GFRA1: variants seen among roughly 807,000 people sequenced by gnomAD.
GFRA1 encodes GDNF family receptor alpha-1.
A neutral mutation model predicts 51.6 loss-of-function variants in GFRA1; 16 were observed. The ratio of observed to expected loss-of-function variants is 0.31; its 90% CI spans 0.21 to 0.47. The LOEUF is 0.47. Among genes scored for constraint, GFRA1 ranks in the 20% least tolerant of loss-of-function variants. The pLI, the probability that GFRA1 is intolerant of heterozygous loss-of-function variation, is 1.00. For synonymous variants in GFRA1, 270 were observed against 241.3 expected, an observed-to-expected ratio of 1.12 and a Z score of -1.10; for missense variants, 530 against 594.3, an observed-to-expected ratio of 0.89 and a Z score of 1.13.
At chr10:116,184,783 G>A (rs1962547837) in intron 5 of GFRA1, among the ~76,000 whole-genome samples, 1 of 152,150 alleles carries the variant, frequency 6.6e-6, no homozygotes, top group East Asian at 1.9e-4. Flanking sequence ...AGGTCACATT[G>A]GTCACCGGTG....
At chr10:116,135,130 G>T (rs1265450724) in intron 5 of GFRA1, among the ~76,000 whole-genome samples, 2 of 152,280 alleles carry the variant, frequency 1.3e-5, no homozygotes, top group East Asian at 3.9e-4. Flanking sequence ...CGCCTGGTAA[G>T]GTGTAGTGCC....
Position 116,272,928 on chromosome 10 carries a change from C to G in GFRA1, c.-247+235G>C, listed in dbSNP as rs1844067374. Reference sequence around the variant, plus strand: ...CTCCTCTCACACTCTCGCCCGGTGCCCAGGACTCGGGCGCTTCCGCACCCC... The same window carrying G: ...CTCCTCTCACACTCTCGCCCGGTGCGCAGGACTCGGGCGCTTCCGCACCCC... On this transcript the variant is annotated intron_variant, in intron 1 of 10. Transcript: ENST00000355422. The surrounding 1 kb of genome is among the most constrained non-coding windows in gnomAD (Gnocchi z 4.4). The G allele has an allele frequency of 6.6e-6, 1 of 152,198 alleles. No individual in the cohort carries two copies. Among genetic ancestry groups the G allele is most frequent in the Non-Finnish European group, 1.5e-5 (1 of 68,094 alleles). The allele number at this position is 152,198 out of a possible 1,614,324, so 9.4% of individuals were successfully genotyped here.
At chr10:116,187,279 T>G (rs116640248) in intron 5 of GFRA1, among the ~76,000 whole-genome samples, 1,725 of 152,262 alleles carry the variant, frequency 0.011, 39 homozygotes, top group African/African-American at 0.039. Flanking sequence ...AAATGTCCAT[T>G]TGAGGTCATG....
intron 5 of GFRA1, among the ~76,000 whole-genome samples, chr10:116,209,058 C>G (rs967932652): frequency 5.3e-5 from 8 of 152,138 alleles, no homozygotes; most frequent in African/African-American, 1.9e-4. Context: ...TGCAAGCCCA[C>G]CGGTCCTTAA....
intron 4 of GFRA1, among the ~76,000 whole-genome samples, chr10:116,252,235 C>T (rs1391638163): frequency 6.6e-6 from 1 of 151,964 alleles, no homozygotes; most frequent in East Asian, 1.9e-4. Flanking sequence ...CTCCAAGGCT[C>T]GCCCACAATA....
chr10:116,237,733 A>G (rs115406523), intron 4 of GFRA1, among the ~76,000 whole-genome samples: 158 of 152,272 alleles, frequency 1.0e-3, no homozygotes, highest in African/African-American at 3.5e-3. Context: ...TCCTGCAAAG[A>G]CCTGGGTCCT....
intron 5 of GFRA1, among the ~76,000 whole-genome samples, chr10:116,151,128 C>T (rs1959048051): frequency 6.6e-6 from 1 of 152,060 alleles, no homozygotes; most frequent in Non-Finnish European, 1.5e-5. Flanking sequence ...TCCCAGAAAC[C>T]TGGTACTGCT....
rs561768005 is a variant in GFRA1 at position 116,142,554 on chromosome 10, C to T, written c.434-16997G>A. Among the ~76,000 whole-genome samples, 3 of 152,216 alleles carry T rather than the reference C, an allele frequency of 2.0e-5. No homozygotes were observed. In the South Asian group the frequency reaches 6.2e-4, roughly 32 times the overall value. The stretch of plus-strand genomic sequence containing the variant: ...TTATTACCAAAAGTAGAAATGTGTC[C>T]CCACACTGTAAGGTTCATTGTAACT... On this transcript the variant is annotated intron_variant, in intron 5 of 10. Coordinates refer to ENST00000355422, the MANE Select transcript of GFRA1 (RefSeq NM_005264.8).
At chr10:116,232,615 G>A (rs751944950) in intron 4 of GFRA1, among the ~76,000 whole-genome samples, 1 of 152,050 alleles carries the variant, frequency 6.6e-6, no homozygotes, top group Admixed American at 6.5e-5. Context: ...CACCACATTC[G>A]GCATAGATAG....
At chr10:116,143,047 A>G (rs1958639125) in intron 5 of GFRA1, among the ~76,000 whole-genome samples, 1 of 152,160 alleles carries the variant, frequency 6.6e-6, no homozygotes, top group Non-Finnish European at 1.5e-5. Flanking sequence ...AAAACACTCC[A>G]TATTTTGGGA....
rs527750834 is a variant in GFRA1, at chr10:116,213,970, G to A, written c.419-2325C>T. ...TCCCACTACAGGAAACCTTGACTCT[G>A]CTCTAATTGATACACACTATACAGT... On this transcript the variant is annotated intron_variant, in intron 4 of 10. Coordinates refer to ENST00000355422, the MANE Select transcript of GFRA1 (RefSeq NM_005264.8). Among the ~76,000 whole-genome samples the A allele has an allele frequency of 9.8e-5, 15 of 152,304 alleles. No homozygotes were observed. The South Asian group carries it at 2.5e-3, about 25-fold the overall frequency.
intron 5 of GFRA1, among the ~76,000 whole-genome samples, chr10:116,203,757 TAC>T (rs1964517995): frequency 2.6e-5 from 4 of 152,260 alleles, no homozygotes; most frequent in Admixed American, 2.0e-4. Context: ...GGGAAAAAGG[TAC>T]AGAGGGTTTA....
chr10:116,064,208 A>T lies in GFRA1; in HGVS notation c.*190T>A. 1.7e-6 allele frequency: 1 copy of T among 592,432 alleles called. No individual in the cohort carries two copies. Among genetic ancestry groups the T allele is most frequent in the Non-Finnish European group, 3.0e-6 (1 of 335,102 alleles). 36.7% of individuals were successfully genotyped at this position (592,432 alleles called of 1,614,324 possible). Reference sequence around the variant, plus strand: ...CTGAGTTTGGATGGAGCACTGCATCAGGTTTTTCACAGAAGCCCCAAAGGA... The same window carrying T: ...CTGAGTTTGGATGGAGCACTGCATCTGGTTTTTCACAGAAGCCCCAAAGGA... On this transcript the variant is annotated 3_prime_UTR_variant, in exon 11 of 11. Coordinates refer to ENST00000355422, the MANE Select transcript of GFRA1 (RefSeq NM_005264.8).
At chr10:116,141,703 C>A (rs1369750547) in intron 5 of GFRA1, among the ~76,000 whole-genome samples, 1 of 152,152 alleles carries the variant, frequency 6.6e-6, no homozygotes, top group African/African-American at 2.4e-5. Flanking sequence ...CCTGCCTCAG[C>A]CTCCTGAGTA....
chr10:116,207,107 T>A (rs1565651430), intron 5 of GFRA1, among the ~76,000 whole-genome samples: 15 of 79,374 alleles, frequency 1.9e-4, no homozygotes, highest in African/African-American at 9.3e-4. Flanking sequence ...CAGGGTCAGG[T>A]ATTTTCTCAT....
intron 5 of GFRA1, among the ~76,000 whole-genome samples, chr10:116,205,074 C>T (rs980366814): frequency 6.6e-6 from 1 of 152,118 alleles, no homozygotes; most frequent in South Asian, 2.1e-4. Flanking sequence ...TATATATAAA[C>T]ATAGAAAATG....
chr10:116,153,445 A>C (rs995856270), intron 5 of GFRA1, among the ~76,000 whole-genome samples: 1 of 152,218 alleles, frequency 6.6e-6, no homozygotes, highest in Non-Finnish European at 1.5e-5. Flanking sequence ...TTTGCAGAGC[A>C]ACAGGCTTTG....
chr10:116,161,638 T>A (rs1959807692), intron 5 of GFRA1, among the ~76,000 whole-genome samples: 1 of 151,938 alleles, frequency 6.6e-6, no homozygotes, highest in South Asian at 2.1e-4. Context: ...GTAAGTCTCA[T>A]GAGATATGAT....
intron 8 of GFRA1, among the ~76,000 whole-genome samples, chr10:116,091,001 A>G (rs867843663): frequency 3.9e-5 from 6 of 152,330 alleles, no homozygotes; most frequent in Non-Finnish European, 7.4e-5. Context: ...TTATGCTCCC[A>G]GCTATGTTCC....
Sources: allele counts gnomAD v4.1 joint callset (sites outside exome capture counted in the v4.1 genomes callset), GRCh38; gene constraint gnomAD v4.1.1; non-coding constraint Gnocchi (gnomAD v3.1); transcripts MANE v1.5; gene names NCBI Gene and HGNC (gene_info 2026-07-23, HGNC 2026-07-21).